The following SCHIP1 variants were observed in gnomAD, a reference collection of about 807,000 sequenced individuals.
SCHIP1 encodes schwannomin-interacting protein 1.
In SCHIP1, 8 loss-of-function variants were observed where a neutral mutation model predicts 29.7. The observed-to-expected ratio is 0.27, with a 90% CI of 0.16 to 0.49. The LOEUF (loss-of-function observed/expected upper bound fraction) is 0.49. Ranked by LOEUF, SCHIP1 falls within the 20% of genes least tolerant of loss-of-function variation. The pLI, the probability that SCHIP1 is intolerant of heterozygous loss-of-function variation, is 0.99. For synonymous variants in SCHIP1, 76 were observed against 94.9 expected, an observed-to-expected ratio of 0.80 and a Z score of 1.16; for missense variants, 193 against 294.6, an observed-to-expected ratio of 0.66 and a Z score of 2.52.
the SCHIP1 span, among the ~76,000 whole-genome samples, chr3:159,635,237 A>G: frequency 3.3e-5 from 5 of 151,952 alleles, no homozygotes; most frequent in Non-Finnish European, 5.9e-5. Flanking sequence ...CTGCCCAGGC[A>G]TTAGCCAAGC....
the SCHIP1 span, among the ~76,000 whole-genome samples, chr3:159,340,305 A>G: frequency 2.6e-5 from 4 of 152,120 alleles, no homozygotes; most frequent in African/African-American, 9.6e-5. Flanking sequence ...GAACTAACAG[A>G]AAAATGATGT....
At chr3:159,343,435 G>C in the SCHIP1 span, among the ~76,000 whole-genome samples, 42 of 152,344 alleles carry the variant, frequency 2.8e-4, no homozygotes, top group South Asian at 8.1e-3. Context: ...GGGAGACCCT[G>C]TTTCAAGTTG....
At chr3:159,324,353 T>C in the SCHIP1 span, among the ~76,000 whole-genome samples, 1 of 152,324 alleles carries the variant, frequency 6.6e-6, no homozygotes, top group African/African-American at 2.4e-5. Context: ...GATAAATTTA[T>C]AATTCCCATA....
chr3:159,499,082 A>C, the SCHIP1 span, among the ~76,000 whole-genome samples: 1 of 152,110 alleles, frequency 6.6e-6, no homozygotes, highest in Non-Finnish European at 1.5e-5. Flanking sequence ...CCCCATTAAC[A>C]CCTTTGAGAT....
At chr3:159,386,278 C>T in the SCHIP1 span, among the ~76,000 whole-genome samples, 2 of 152,230 alleles carry the variant, frequency 1.3e-5, no homozygotes, top group South Asian at 4.1e-4. Flanking sequence ...CACACTGTCA[C>T]AATTGCTACA....
the SCHIP1 span, among the ~76,000 whole-genome samples, chr3:159,733,428 G>A: frequency 2.7e-3 from 412 of 152,192 alleles, 1 homozygote; most frequent in African/African-American, 8.6e-3. Flanking sequence ...GTCATTTTAC[G>A]TAATATCCAA....
At chr3:159,751,876 A>C in the SCHIP1 span, among the ~76,000 whole-genome samples, 1 of 152,254 alleles carries the variant, frequency 6.6e-6, no homozygotes, top group South Asian at 2.1e-4. Context: ...TGTAATTCCC[A>C]ATGTTGGAGG....
At chr3:159,714,603 T>C in the SCHIP1 span, among the ~76,000 whole-genome samples, 1 of 152,230 alleles carries the variant, frequency 6.6e-6, no homozygotes, top group Admixed American at 6.5e-5. Flanking sequence ...TTATATCCCG[T>C]GCCTGGCTCG....
chr3:159,720,439 G>A, the SCHIP1 span, among the ~76,000 whole-genome samples: 1 of 151,790 alleles, frequency 6.6e-6, no homozygotes, highest in Non-Finnish European at 1.5e-5. Context: ...AGAACATCTT[G>A]CCCTTCTCAG....
chr3:159,557,114 C>T, the SCHIP1 span, among the ~76,000 whole-genome samples: 2 of 151,764 alleles, frequency 1.3e-5, no homozygotes, highest in African/African-American at 4.8e-5. Context: ...TCCGCCACCA[C>T]GCCCGGCTAA....
the SCHIP1 span, among the ~76,000 whole-genome samples, chr3:159,402,473 T>C: frequency 6.6e-6 from 1 of 152,124 alleles, no homozygotes; most frequent in Non-Finnish European, 1.5e-5. Flanking sequence ...TATAAAGACA[T>C]ATGCACACAT....
At chr3:159,843,570 C>T (rs2109040404) in intron 1 of SCHIP1, among the ~76,000 whole-genome samples, 1 of 151,946 alleles carries the variant, frequency 6.6e-6, no homozygotes, top group Admixed American at 6.6e-5. Context: ...CCTGTAATCC[C>T]AGGACTTTGG....
the SCHIP1 span, among the ~76,000 whole-genome samples, chr3:159,283,530 A>G: frequency 6.7e-6 from 1 of 148,662 alleles, no homozygotes; most frequent in Non-Finnish European, 1.5e-5. Context: ...TTTTTTTGAG[A>G]CGGAGTTTCG....
At chr3:159,526,117 G>A in the SCHIP1 span, among the ~76,000 whole-genome samples, 1 of 152,074 alleles carries the variant, frequency 6.6e-6, no homozygotes, top group Non-Finnish European at 1.5e-5. Flanking sequence ...CTTCATGTTG[G>A]CAAAATACTT....
chr3:159,293,067 A>G, the SCHIP1 span, among the ~76,000 whole-genome samples: 1 of 151,630 alleles, frequency 6.6e-6, no homozygotes, highest in Admixed American at 6.6e-5. Context: ...TGTGTAGATT[A>G]AAAATAATAG....
the SCHIP1 span, among the ~76,000 whole-genome samples, chr3:159,422,746 T>C: frequency 6.6e-6 from 1 of 152,236 alleles, no homozygotes; most frequent in African/African-American, 2.4e-5. Context: ...CTGTGAGATA[T>C]ATATTCTGCA....
the SCHIP1 span, among the ~76,000 whole-genome samples, chr3:159,824,850 T>A: frequency 6.6e-6 from 1 of 152,260 alleles, no homozygotes; most frequent in Non-Finnish European, 1.5e-5. Flanking sequence ...GTCATTTGTA[T>A]TTGTTTGTTT....
chr3:159,327,613 T>A, the SCHIP1 span, among the ~76,000 whole-genome samples: 1 of 152,310 alleles, frequency 6.6e-6, no homozygotes, highest in African/African-American at 2.4e-5. Flanking sequence ...AGTTTTCCTG[T>A]CATTTGCTAG....
the SCHIP1 span, among the ~76,000 whole-genome samples, chr3:159,545,728 A>T: frequency 6.1e-5 from 9 of 147,872 alleles, no homozygotes; most frequent in African/African-American, 1.2e-4. Flanking sequence ...ATTATATATT[A>T]TATATATATG....
Sources: gnomAD v4.1 joint callset for allele counts (sites outside exome capture counted in the v4.1 genomes callset) on GRCh38, gnomAD v4.1.1 for gene constraint, MANE v1.5 for transcripts, NCBI Gene and HGNC (gene_info 2026-07-23, HGNC 2026-07-21) for gene names.